AUTS2: variants seen among roughly 807,000 people sequenced by gnomAD.
The protein encoded by AUTS2 is autism susceptibility gene 2 protein.
A neutral mutation model predicts 112.4 loss-of-function variants in AUTS2; 17 were observed. The observed-to-expected ratio is 0.15, with a 90% CI of 0.10 to 0.23. AUTS2 has a LOEUF of 0.23. Among genes scored for constraint, AUTS2 ranks in the 10% least tolerant of loss-of-function variants. AUTS2 has a pLI of 1.00. For synonymous variants in AUTS2, 751 were observed against 702.7 expected, an observed-to-expected ratio of 1.07 and a Z score of -1.09; for missense variants, 1,510 against 1,701.6, an observed-to-expected ratio of 0.89 and a Z score of 1.98.
intron 1 of AUTS2, among the ~76,000 whole-genome samples, chr7:69,806,975 A>T (rs1345407445): frequency 6.6e-6 from 1 of 151,348 alleles, no homozygotes; most frequent in African/African-American, 2.4e-5. Context: ...CTGAGTGTAA[A>T]TTTTTTTTTA....
chr7:70,515,919 T>C (rs1799397417), intron 5 of AUTS2, among the ~76,000 whole-genome samples: 1 of 152,168 alleles, frequency 6.6e-6, no homozygotes, highest in Non-Finnish European at 1.5e-5. Flanking sequence ...TATAAATTAG[T>C]TCAACTTATC....
At chr7:70,454,301 G>A (rs755394495) in intron 5 of AUTS2, among the ~76,000 whole-genome samples, 1 of 152,110 alleles carries the variant, frequency 6.6e-6, no homozygotes, top group Admixed American at 6.5e-5. Flanking sequence ...TTGGGAGGCC[G>A]AGGCGGGTGG....
At chr7:70,770,160 G>A (rs1258862260) in intron 10 of AUTS2, among the ~76,000 whole-genome samples, 8 of 152,066 alleles carry the variant, frequency 5.3e-5, no homozygotes, top group African/African-American at 1.7e-4. Context: ...CATTATAAGG[G>A]GAATTAAGAT....
At chr7:70,770,016 T>C (rs1187711852) in intron 10 of AUTS2, among the ~76,000 whole-genome samples, 2 of 152,152 alleles carry the variant, frequency 1.3e-5, no homozygotes, top group Non-Finnish European at 2.9e-5. Context: ...TACTAGAAAT[T>C]TGAGTGTGTT....
At chr7:69,722,847 C>CTTTT (rs202247654) in intron 1 of AUTS2, among the ~76,000 whole-genome samples, 1 of 144,834 alleles carries the variant, frequency 6.9e-6, no homozygotes, top group Non-Finnish European at 1.5e-5. Context: ...TCTGGAATTG[C>CTTTT]TTTTTTTTTT....
At chr7:69,949,532 A>C (rs1254152093) in intron 2 of AUTS2, among the ~76,000 whole-genome samples, 1 of 152,222 alleles carries the variant, frequency 6.6e-6, no homozygotes, top group East Asian at 1.9e-4. Context: ...TTTGCCTTGC[A>C]CAATAAACTA....
chr7:69,898,347 C>T (rs958286282), intron 1 of AUTS2, among the ~76,000 whole-genome samples: 1 of 152,068 alleles, frequency 6.6e-6, no homozygotes, highest in African/African-American at 2.4e-5. Context: ...CATTTTATTG[C>T]TTAGTGTGTG....
chr7:69,628,084 T>C (rs1794043980), intron 1 of AUTS2, among the ~76,000 whole-genome samples: 1 of 152,172 alleles, frequency 6.6e-6, no homozygotes, highest in Non-Finnish European at 1.5e-5. Flanking sequence ...GTGTCGGTAA[T>C]GTGTGCTTAT....
chr7:70,400,259 G>C (rs982722739), intron 4 of AUTS2, among the ~76,000 whole-genome samples: 1 of 152,052 alleles, frequency 6.6e-6, no homozygotes, highest in African/African-American at 2.4e-5. Flanking sequence ...TACCTCAGAG[G>C]GTCATCTCAA....
At chr7:69,946,530 T>C (rs1327729255) in intron 2 of AUTS2, among the ~76,000 whole-genome samples, 1 of 151,200 alleles carries the variant, frequency 6.6e-6, no homozygotes, top group Non-Finnish European at 1.5e-5. Context: ...CATTGATGGA[T>C]GAATGGATAA....
intron 1 of AUTS2, among the ~76,000 whole-genome samples, chr7:69,811,898 C>A (rs1790561013): frequency 1.3e-5 from 2 of 152,202 alleles, no homozygotes; most frequent in South Asian, 2.1e-4. Flanking sequence ...TCCCCACCCC[C>A]ACAGTGCCTA....
chr7:69,874,699 C>T (rs990598166), intron 1 of AUTS2, among the ~76,000 whole-genome samples: 5 of 152,024 alleles, frequency 3.3e-5, no homozygotes, highest in Non-Finnish European at 7.4e-5. Flanking sequence ...ATCTCTGTCA[C>T]CCAGGCTGGA....
chr7:70,768,162 A>C, intron 10 of AUTS2, 94 bp downstream of exon 10: 1 of 1,237,916 alleles, frequency 8.1e-7, no homozygotes, highest in Non-Finnish European at 1.1e-6. Context: ...AGCCTTCCTT[A>C]ATCATCTTTG....
At chr7:70,648,964 G>C (rs893314775) in intron 5 of AUTS2, among the ~76,000 whole-genome samples, 2 of 152,212 alleles carry the variant, frequency 1.3e-5, no homozygotes, top group Non-Finnish European at 2.9e-5. Flanking sequence ...GTAGATGAAA[G>C]ATTAGGAGAT....
At chr7:70,738,765 A>T (rs948740009) in intron 6 of AUTS2, among the ~76,000 whole-genome samples, 1 of 152,136 alleles carries the variant, frequency 6.6e-6, no homozygotes, top group Non-Finnish European at 1.5e-5. Flanking sequence ...GGAAAGGAGG[A>T]TGTTGAAAGT....
chr7:70,403,572 A>C (rs978950218), intron 4 of AUTS2, among the ~76,000 whole-genome samples: 1 of 151,966 alleles, frequency 6.6e-6, no homozygotes, highest in East Asian at 1.9e-4. Context: ...TACCTCAAGG[A>C]CTCCTGACCT....
chr7:70,348,471 G>C (rs1393235091), intron 4 of AUTS2, among the ~76,000 whole-genome samples: 1 of 152,160 alleles, frequency 6.6e-6, no homozygotes, highest in Non-Finnish European at 1.5e-5. Context: ...CCCATCACCA[G>C]TTTCTCACAA....
intron 4 of AUTS2, among the ~76,000 whole-genome samples, chr7:70,155,254 AG>A (rs1726162811): frequency 6.6e-6 from 1 of 152,178 alleles, no homozygotes; most frequent in Admixed American, 6.5e-5. Context: ...TCTGGGAATA[AG>A]GCATGTCCTA....
intron 5 of AUTS2, among the ~76,000 whole-genome samples, chr7:70,638,812 T>G (rs1805657686): frequency 6.6e-6 from 1 of 152,212 alleles, no homozygotes; most frequent in Non-Finnish European, 1.5e-5. Flanking sequence ...GAAAACAAAC[T>G]GCATCACAAT....
Sources: gnomAD v4.1 joint callset for allele counts (sites outside exome capture counted in the v4.1 genomes callset) on GRCh38, gnomAD v4.1.1 for gene constraint, MANE v1.5 for transcripts, NCBI Gene and HGNC (gene_info 2026-07-23, HGNC 2026-07-21) for gene names.